Variants in SAMTOR observed in about 807,000 individuals in gnomAD.
SAMTOR encodes S-adenosylmethionine sensor upstream of mTORC1, also known as UPF0532 protein C7orf60.
At chr7:112,930,784 T>A in the SAMTOR span, among the ~76,000 whole-genome samples, 124 of 152,314 alleles carry the variant, frequency 8.1e-4, no homozygotes, top group African/African-American at 3.0e-3. Flanking sequence ...TACCAATCCA[T>A]TGAGGCAGAT....
the SAMTOR span, among the ~76,000 whole-genome samples, chr7:112,872,488 G>A: frequency 4.6e-5 from 7 of 151,982 alleles, no homozygotes; most frequent in South Asian, 1.0e-3. Context: ...AAGAGCCACC[G>A]ATGACAAACC....
chr7:112,919,747 T>C, the SAMTOR span, among the ~76,000 whole-genome samples: 1 of 151,072 alleles, frequency 6.6e-6, no homozygotes, highest in African/African-American at 2.4e-5. Context: ...ATAGACGCAA[T>C]AAAAAATGAT....
the SAMTOR span, among the ~76,000 whole-genome samples, chr7:112,881,371 G>A: frequency 5.3e-5 from 8 of 152,140 alleles, no homozygotes; most frequent in Admixed American, 3.3e-4. Context: ...CTCAGCCAGG[G>A]GGCTGACTTG....
the SAMTOR span, among the ~76,000 whole-genome samples, chr7:112,877,462 T>C: frequency 1.3e-5 from 2 of 152,214 alleles, no homozygotes; most frequent in African/African-American, 4.8e-5. Context: ...TATTAGAACG[T>C]ATAGGTGAAA....
chr7:112,850,334 G>A, the SAMTOR span, among the ~76,000 whole-genome samples: 1 of 152,198 alleles, frequency 6.6e-6, no homozygotes. Flanking sequence ...CTGCGTCTAT[G>A]TTCACCATGG....
the SAMTOR span, among the ~76,000 whole-genome samples, chr7:112,873,746 G>T: frequency 6.6e-6 from 1 of 152,068 alleles, no homozygotes; most frequent in African/African-American, 2.4e-5. Context: ...CTTCTGCACC[G>T]CAAAAGAAAC....
chr7:112,893,586 G>A, the SAMTOR span, among the ~76,000 whole-genome samples: 1 of 152,212 alleles, frequency 6.6e-6, no homozygotes, highest in Non-Finnish European at 1.5e-5. Flanking sequence ...CCACAATCAA[G>A]TTGTTTTACT....
the SAMTOR span, among the ~76,000 whole-genome samples, chr7:112,848,414 A>C: frequency 6.6e-6 from 1 of 152,220 alleles, no homozygotes; most frequent in African/African-American, 2.4e-5. Flanking sequence ...CTTGAGATAT[A>C]AAGTTGAGTA....
the SAMTOR span, among the ~76,000 whole-genome samples, chr7:112,902,462 C>CAAAAAAAAAAAAAAAAA: frequency 4.8e-5 from 4 of 83,666 alleles, no homozygotes; most frequent in East Asian, 4.3e-4. Flanking sequence ...AAAAAAAAAC[C>CAAAAAAAAAAAAAAAAA]AAAAAAGTTG....
At chr7:112,870,761 A>C in the SAMTOR span, among the ~76,000 whole-genome samples, 7 of 151,908 alleles carry the variant, frequency 4.6e-5, no homozygotes, top group South Asian at 2.1e-4. Flanking sequence ...AAAAAAAAAA[A>C]AAAACCCACC....
the SAMTOR span, among the ~76,000 whole-genome samples, chr7:112,831,712 T>C: frequency 6.6e-6 from 1 of 152,206 alleles, no homozygotes; most frequent in Non-Finnish European, 1.5e-5. Flanking sequence ...GATAGTGTCA[T>C]AATAACTGAC....
the SAMTOR span, chr7:112,821,688 T>C: frequency 4.8e-6 from 7 of 1,470,584 alleles, no homozygotes; most frequent in African/African-American, 1.4e-5. Context: ...GTATTTCCAA[T>C]TGGTGTAAGC....
chr7:112,939,483 G>T, the SAMTOR span: 1 of 1,529,844 alleles, frequency 6.5e-7, no homozygotes, highest in Non-Finnish European at 8.8e-7. Flanking sequence ...GGGGGGACGT[G>T]CAGATCCTTT....
the SAMTOR span, among the ~76,000 whole-genome samples, chr7:112,922,389 A>G: frequency 6.6e-6 from 1 of 151,948 alleles, no homozygotes; most frequent in East Asian, 2.0e-4. Context: ...CTGTCTGGGA[A>G]GTGAGGAGCG....
chr7:112,848,084 T>G, the SAMTOR span, among the ~76,000 whole-genome samples: 1 of 152,128 alleles, frequency 6.6e-6, no homozygotes, highest in African/African-American at 2.4e-5. Context: ...GCTCAGGAAT[T>G]AGAGGCTATA....
chr7:112,820,547 G>T, the SAMTOR span: 2 of 152,116 alleles, frequency 1.3e-5, no homozygotes, highest in Non-Finnish European at 2.9e-5. Flanking sequence ...AAGACAATGT[G>T]GACTAAATGT....
chr7:112,913,945 C>G, the SAMTOR span, among the ~76,000 whole-genome samples: 1 of 152,112 alleles, frequency 6.6e-6, no homozygotes, highest in Non-Finnish European at 1.5e-5. Context: ...ATATTGTTTC[C>G]GGCCACTCAC....
the SAMTOR span, among the ~76,000 whole-genome samples, chr7:112,930,527 CAA>C: frequency 3.9e-4 from 29 of 75,284 alleles, no homozygotes; most frequent in Admixed American, 4.3e-4. Context: ...GCAAAAGGGG[CAA>C]AAAAAAAAAA....
At chr7:112,893,377 C>T in the SAMTOR span, among the ~76,000 whole-genome samples, 942 of 152,310 alleles carry the variant, frequency 6.2e-3, 33 homozygotes, top group East Asian at 0.042. Context: ...CTTCACCTTG[C>T]ACTTTATGTC....
Sources: allele counts gnomAD v4.1 joint callset (sites outside exome capture counted in the v4.1 genomes callset), GRCh38; gene constraint gnomAD v4.1.1; transcripts MANE v1.5; gene names NCBI Gene and HGNC (gene_info 2026-07-23, HGNC 2026-07-21).